AFF3: variants seen among roughly 807,000 people sequenced by gnomAD.
The protein encoded by AFF3 is AF4/FMR2 family member 3.
A neutral mutation model predicts 129.7 loss-of-function variants in AFF3; 32 were observed. The observed-to-expected ratio is 0.25, with a 90% confidence interval of 0.19 to 0.33. The LOEUF (loss-of-function observed/expected upper bound fraction) is 0.33. AFF3 is among the 10% of genes least tolerant of loss of function. The pLI is 1.00. For missense variants in AFF3, 1,373 were observed against 1,592.0 expected (o/e 0.86, Z 2.34); for synonymous variants, 644 against 635.4 (o/e 1.01, Z -0.20).
intron 4 of AFF3, among the ~76,000 whole-genome samples, chr2:100,070,152 C>T (rs1054451678): frequency 2.0e-5 from 3 of 152,048 alleles, no homozygotes; most frequent in African/African-American, 7.2e-5. Context: ...AAAAGTGTCT[C>T]CTGGATTTCT....
intron 7 of AFF3, among the ~76,000 whole-genome samples, chr2:99,853,972 T>C (rs1558917226): frequency 6.6e-6 from 1 of 152,240 alleles, no homozygotes. Context: ...GTGGATACAG[T>C]AGGAACTCAA....
chr2:100,112,698 GAAA>G (rs1459538237), intron 2 of AFF3, among the ~76,000 whole-genome samples: 2 of 151,944 alleles, frequency 1.3e-5, no homozygotes, highest in African/African-American at 2.4e-5. Flanking sequence ...TCCAATGGAA[GAAA>G]AAAAGAAAGA....
chr2:99,892,635 C>G (rs1041945715), intron 7 of AFF3, among the ~76,000 whole-genome samples: 1 of 152,120 alleles, frequency 6.6e-6, no homozygotes, highest in African/African-American at 2.4e-5. Flanking sequence ...TCTCAAATTC[C>G]AGCTCCTTCT....
At chr2:99,725,772 T>C (rs1381253761) in intron 11 of AFF3, among the ~76,000 whole-genome samples, 2 of 152,240 alleles carry the variant, frequency 1.3e-5, no homozygotes, top group East Asian at 1.9e-4. Context: ...CCAACATACT[T>C]TGTATATTCT....
chr2:99,847,377 T>C (rs1463280788), intron 7 of AFF3, among the ~76,000 whole-genome samples: 1 of 151,684 alleles, frequency 6.6e-6, no homozygotes, highest in Non-Finnish European at 1.5e-5. Context: ...GGTTTCGCCA[T>C]GTTGGCCAGG....
chr2:99,597,692 G>C (rs573690168), intron 14 of AFF3, among the ~76,000 whole-genome samples: 165 of 152,364 alleles, frequency 1.1e-3, no homozygotes, highest in African/African-American at 3.8e-3. Flanking sequence ...ACAGAGTTTA[G>C]TGGCAGTGAG....
intron 11 of AFF3, among the ~76,000 whole-genome samples, chr2:99,689,788 G>GA (rs1278282442): frequency 6.6e-6 from 1 of 150,818 alleles, no homozygotes; most frequent in Admixed American, 6.6e-5. Context: ...GGAGTGGGCA[G>GA]AAAAAGAAAA....
At chr2:99,685,776 T>G (rs188371752) in intron 11 of AFF3, among the ~76,000 whole-genome samples, 2 of 152,254 alleles carry the variant, frequency 1.3e-5, no homozygotes, top group East Asian at 3.9e-4. Context: ...GCTTAGTGCT[T>G]AAGAAAATAA....
intron 9 of AFF3, among the ~76,000 whole-genome samples, chr2:99,747,610 A>T (rs112088727): frequency 1.3e-5 from 2 of 152,326 alleles, no homozygotes; most frequent in Non-Finnish European, 2.9e-5. Flanking sequence ...CATGTATCCC[A>T]TAGATAGTAA....
chr2:100,078,285 A>C (rs1388724409), intron 4 of AFF3, among the ~76,000 whole-genome samples: 1 of 152,256 alleles, frequency 6.6e-6, no homozygotes, highest in Non-Finnish European at 1.5e-5. Context: ...GTAAGCGAAT[A>C]TACAGGTTTG....
At chr2:100,063,981 C>T (rs948014301) in intron 4 of AFF3, among the ~76,000 whole-genome samples, 4 of 151,672 alleles carry the variant, frequency 2.6e-5, no homozygotes, top group Non-Finnish European at 4.4e-5. Flanking sequence ...CCCAGCTACT[C>T]GGGAGGCTGA....
At position 99,650,437 on chromosome 2, in the gene AFF3, T is replaced by C. The variant is rs962045528; in HGVS notation, c.1144-771A>G. ...AGCTGGGTGTGGTGGCATGCGCCTGTAGTCCCAGTGACTCAGGAGGCTGAG... is the reference window on the plus strand; with the variant it reads ...AGCTGGGTGTGGTGGCATGCGCCTGCAGTCCCAGTGACTCAGGAGGCTGAG... On this transcript the variant is annotated intron_variant, in intron 12 of 24. Coordinates refer to ENST00000672756, the MANE Select transcript of AFF3 (RefSeq NM_001386135.1). 5.9e-5 allele frequency among the ~76,000 whole-genome samples: 9 copies of C among 152,232 alleles called. No individual in the cohort carries two copies. The South Asian group carries it at 1.7e-3, about 28-fold the overall frequency.
chr2:99,824,782 A>G (rs987602835), intron 8 of AFF3, among the ~76,000 whole-genome samples: 1 of 152,156 alleles, frequency 6.6e-6, no homozygotes, highest in Non-Finnish European at 1.5e-5. Context: ...TGGCAGAGGG[A>G]GGGTCTCTAG....
At chr2:100,014,621 G>A (rs534734972) in intron 4 of AFF3, among the ~76,000 whole-genome samples, 2 of 152,180 alleles carry the variant, frequency 1.3e-5, no homozygotes, top group East Asian at 3.9e-4. Flanking sequence ...ATTGTTTCCT[G>A]CAGGAGACCA....
At chr2:99,763,132 C>T (rs529758458) in intron 8 of AFF3, among the ~76,000 whole-genome samples, 37 of 152,242 alleles carry the variant, frequency 2.4e-4, no homozygotes, top group Non-Finnish European at 5.3e-4. Flanking sequence ...CATATTCCTC[C>T]CCTAATGGGA....
chr2:100,051,304 A>C (rs1029857884), intron 4 of AFF3, among the ~76,000 whole-genome samples: 5 of 152,186 alleles, frequency 3.3e-5, no homozygotes, highest in African/African-American at 1.2e-4. Context: ...GGAGAATACG[A>C]GCTGAGCCCA....
At chr2:99,746,860 C>T (rs1055433563) in intron 9 of AFF3, among the ~76,000 whole-genome samples, 12 of 151,076 alleles carry the variant, frequency 7.9e-5, no homozygotes, top group Non-Finnish European at 8.8e-5. Context: ...TAGATCTGGG[C>T]CATTTGGTGG....
At chr2:100,042,699 T>C (rs1402445330) in intron 4 of AFF3, among the ~76,000 whole-genome samples, 2 of 152,182 alleles carry the variant, frequency 1.3e-5, no homozygotes, top group Non-Finnish European at 2.9e-5. Context: ...AGTCAAGACA[T>C]GTCATATGGA....
chr2:99,952,635 CTT>C (rs898400700), intron 7 of AFF3, among the ~76,000 whole-genome samples: 6 of 152,126 alleles, frequency 3.9e-5, no homozygotes, highest in African/African-American at 1.2e-4. Context: ...ATAGAAATAA[CTT>C]ATATAAAAAT....
Sources: gnomAD v4.1 joint callset for allele counts (sites outside exome capture counted in the v4.1 genomes callset) on GRCh38, gnomAD v4.1.1 for gene constraint, MANE v1.5 for transcripts, NCBI Gene and HGNC (gene_info 2026-07-23, HGNC 2026-07-21) for gene names.